Variants in TMEM201 observed in about 807,000 individuals in gnomAD.
The protein encoded by TMEM201 is transmembrane protein 201, also known as RP13-15M17.2.
TMEM201 carries 26 observed loss-of-function variants against 63.4 expected under a neutral mutation model. That is an observed-to-expected ratio of 0.41 (90% CI 0.30 to 0.57). TMEM201 has a LOEUF of 0.57. Among genes scored for constraint, TMEM201 ranks in the 20% least tolerant of loss-of-function variants. The pLI is 0.29. For synonymous variants in TMEM201, 417 were observed against 421.6 expected (o/e 0.99, Z 0.14); for missense variants, 794 against 917.7 (o/e 0.87, Z 1.74).
rs747629806 is a variant in TMEM201 at position 9,596,940 on chromosome 1, G to A, written c.316G>A (p.Asp106Asn). Residue 106 changes from aspartate to asparagine, a missense_variant, in exon 3 of 11, where the codon GAC becomes AAC. Physicochemically the swap from Asp to Asn is conservative, Grantham distance 23. Coordinates refer to ENST00000340381, the MANE Select transcript of TMEM201 (RefSeq NM_001130924.3). The part of the protein sequence containing the change: ...HVVSSAPSLR[D>N]PSQPQQWVSS... Reference sequence around the variant, plus strand: ...GGTGAGCAGCGCGCCCAGCCTGCGCGACCCTTCGCAGCCGCAGCAGTGGGT... The same window carrying A: ...GGTGAGCAGCGCGCCCAGCCTGCGCAACCCTTCGCAGCCGCAGCAGTGGGT... 4.5e-5 allele frequency: 72 copies of A among 1,612,768 alleles called. No individual in the cohort carries two copies. The highest frequency in any genetic ancestry group is 4.0e-4 in the Admixed American group (24 of 59,984).
chr1:9,609,981 T>G (rs1644299494), intron 8 of TMEM201, 70 bp downstream of exon 8: 1 of 1,462,486 alleles, frequency 6.8e-7, no homozygotes, highest in Admixed American at 2.0e-5. Flanking sequence ...GCATGGTGGT[T>G]TGTGTGAGCT....
At chr1:9,594,241 G>A (rs550769275) in intron 1 of TMEM201, among the ~76,000 whole-genome samples, 45 of 152,350 alleles carry the variant, frequency 3.0e-4, no homozygotes, top group Admixed American at 2.5e-3. Context: ...GCTCCGTTTC[G>A]TCGCTGGTCT....
chr1:9,597,112 C>T (rs956592830), intron 3 of TMEM201, 59 bp downstream of exon 3: 31 of 1,539,660 alleles, frequency 2.0e-5, no homozygotes, highest in Middle Eastern at 2.0e-4. Flanking sequence ...TTAGAGCAGC[C>T]GGGGGACAGG....
intron 7 of TMEM201, among the ~76,000 whole-genome samples, chr1:9,609,410 C>T (rs186561841): frequency 2.1e-4 from 32 of 152,256 alleles, no homozygotes; most frequent in Admixed American, 2.0e-3. Context: ...AGAGAACAGG[C>T]AGTTGGGGTC....
rs1569971567 is a variant in TMEM201, at chr1:9,613,914, A to G, written c.*831A>G. On this transcript the variant is annotated 3_prime_UTR_variant, in exon 11 of 11. Transcript: ENST00000340381. ...CAGATGAGACTGCACCCCTTCGACCACCCTACTGGGCACCTGCCTCCAGCC... is the reference window on the plus strand; with the variant it reads ...CAGATGAGACTGCACCCCTTCGACCGCCCTACTGGGCACCTGCCTCCAGCC... 6.6e-6 allele frequency: 1 copy of G among 151,612 alleles called. No homozygotes were observed. Among genetic ancestry groups the G allele is most frequent in the Admixed American group, 6.6e-5 (1 of 15,196 alleles). The allele number at this position is 151,612 out of a possible 1,614,324, so 9.4% of individuals were successfully genotyped here.
In TMEM201 at chr1:9,608,785, T is replaced by A. The variant is rs964316029; in HGVS notation, c.1393+996T>A. Among the ~76,000 whole-genome samples, 1 of 152,046 alleles carries A rather than the reference T, an allele frequency of 6.6e-6. No individual in the cohort carries two copies. On this transcript the variant is annotated intron_variant, in intron 7 of 10. Coordinates refer to ENST00000340381, the MANE Select transcript of TMEM201 (RefSeq NM_001130924.3). The surrounding 1 kb of genome is among the most constrained non-coding windows in gnomAD (Gnocchi z 4.3). ...CAGAGAAGAACAGGCAATCTCCCTG[T>A]TAAGGCTCAAGGCAGGGACACAGTA...
At position 9,610,669 on chromosome 1, in the gene TMEM201, C is replaced by A. The variant is rs1232274632; in HGVS notation, c.1629C>A (p.Phe543Leu). ...LNLKGQKLLL[F>L]PSPPGEAPTT... The stretch of plus-strand genomic sequence containing the variant: ...TGAAGGGACAGAAGCTGCTGCTGTT[C>A]CCGTCACCCCCTGGAGAGGCCCCCA... The change falls in exon 9 of 11, where the codon TTC (phenylalanine) becomes TTA (leucine). Residue 543 changes from phenylalanine (F) to leucine (L), a missense_variant. Coordinates refer to ENST00000340381, the MANE Select transcript of TMEM201 (RefSeq NM_001130924.3). The surrounding 1 kb of genome is among the most constrained non-coding windows in gnomAD (Gnocchi z 4.9). The A allele has an allele frequency of 1.9e-6, 3 of 1,550,632 alleles. No homozygotes were observed. Among genetic ancestry groups the A allele is most frequent in the Non-Finnish European group, 2.6e-6 (3 of 1,146,898 alleles).
At chr1:9,597,194 C>T (rs1216812875) in intron 3 of TMEM201, 141 bp downstream of exon 3, 1 of 1,017,146 alleles carries the variant, frequency 9.8e-7, no homozygotes, top group African/African-American at 1.6e-5. Flanking sequence ...TTCTGAGTGC[C>T]CAAAGGGGCC....
At position 9,598,507 on chromosome 1, in the gene TMEM201, T is replaced by C. The variant is rs200196284; in HGVS notation, c.488T>C (p.Leu163Pro). Residue 163 changes from leucine (L) to proline (P), a missense_variant, in exon 4 of 11, where the codon CTG becomes CCG. By Grantham distance (98) the Leu-to-Pro change is moderately conservative. Coordinates refer to ENST00000340381, the MANE Select transcript of TMEM201 (RefSeq NM_001130924.3). ...YRHHLEQMYK[L>P]CRPCQAAVEY... ...CATCACCTGGAGCAGATGTACAAGCTGTGCCGGCCGTGCCAAGCGGCTGTG... is the reference window on the plus strand; with the variant it reads ...CATCACCTGGAGCAGATGTACAAGCCGTGCCGGCCGTGCCAAGCGGCTGTG... 1 of 1,613,990 alleles carries C rather than the reference T, an allele frequency of 6.2e-7. No homozygotes were observed. Among genetic ancestry groups the C allele is most frequent in the Non-Finnish European group, 8.5e-7 (1 of 1,180,018 alleles).
rs1644270215 is a variant in TMEM201, at chr1:9,607,881, G to A, written c.1393+92G>A. 1 of 1,226,580 alleles carries A rather than the reference G, an allele frequency of 8.2e-7. No individual in the cohort carries two copies. The highest frequency in any genetic ancestry group is 1.1e-6 in the Non-Finnish European group (1 of 887,494). The allele number at this position is 1,226,580 out of a possible 1,614,324, so 76.0% of individuals were successfully genotyped here. A position where few individuals can be genotyped will look rare whatever the true frequency, so the allele number is the denominator to read the frequency against. On this transcript the variant is annotated intron_variant, in intron 7 of 10. Coordinates refer to ENST00000340381, the MANE Select transcript of TMEM201 (RefSeq NM_001130924.3). This position sits in a 1 kb window ranked among gnomAD's most constrained non-coding sequence, Gnocchi z 5.4. The stretch of plus-strand genomic sequence containing the variant: ...GTACATAGTGTAGGGAGGGCCGGGA[G>A]TGGTTAGTGTTCCTGCTGCAGAGAC...
intron 4 of TMEM201, among the ~76,000 whole-genome samples, chr1:9,600,889 T>G (rs1211991948): frequency 6.6e-6 from 1 of 152,116 alleles, no homozygotes; most frequent in African/African-American, 2.4e-5. Context: ...CACTACAATA[T>G]GGAAAGTCTT....
At chr1:9,594,670 G>T (rs1643982699) in intron 1 of TMEM201, among the ~76,000 whole-genome samples, 1 of 152,180 alleles carries the variant, frequency 6.6e-6, no homozygotes, top group South Asian at 2.1e-4. Context: ...CTGCTTCCCA[G>T]GGCCCAGCCT....
At position 9,608,422 on chromosome 1, in the gene TMEM201, A is replaced by G. The variant is rs1644276956; in HGVS notation, c.1393+633A>G. On this transcript the variant is annotated intron_variant, in intron 7 of 10. Coordinates refer to ENST00000340381, the MANE Select transcript of TMEM201 (RefSeq NM_001130924.3). The surrounding 1 kb of genome is among the most constrained non-coding windows in gnomAD (Gnocchi z 4.3). Reference sequence around the variant, plus strand: ...GGGGCCACTCTAGTTATTCTAGGGGAGGAGATGCTGATAACAGCCAAGGCC... The same window carrying G: ...GGGGCCACTCTAGTTATTCTAGGGGGGGAGATGCTGATAACAGCCAAGGCC... Among the ~76,000 whole-genome samples the G allele has an allele frequency of 1.3e-5, 2 of 152,184 alleles. No homozygotes were observed. Among genetic ancestry groups the G allele is most frequent in the Admixed American group, 1.3e-4 (2 of 15,274 alleles).
chr1:9,591,359 G>A, intron 1 of TMEM201, among the ~76,000 whole-genome samples: 1 of 152,360 alleles, frequency 6.6e-6, no homozygotes, highest in Non-Finnish European at 1.5e-5. Flanking sequence ...CAGAACTTCA[G>A]CTTGTCAGCC....
chr1:9,593,041 G>A (rs940054924), intron 1 of TMEM201, among the ~76,000 whole-genome samples: 7 of 152,350 alleles, frequency 4.6e-5, no homozygotes, highest in East Asian at 1.9e-4. Flanking sequence ...AGTTAAGGAC[G>A]GAGGTTGTTG....
intron 9 of TMEM201, chr1:9,611,174 A>T: frequency 1.4e-6 from 1 of 713,888 alleles, no homozygotes; most frequent in Non-Finnish European, 2.0e-6. Flanking sequence ...ACAACTTTCA[A>T]CTTTCACATG....
chr1:9,603,552 C>T lies in TMEM201; in HGVS notation c.1160+1280C>T, dbSNP rs1399874738. 4.1e-6 allele frequency: 4 copies of T among 985,424 alleles called. No homozygotes were observed. The African/African-American group carries it at 7.0e-5, about 17-fold the overall frequency. The allele number at this position is 985,424 out of a possible 1,614,324, so 61.0% of individuals were successfully genotyped here. The stretch of plus-strand genomic sequence containing the variant: ...CACGAGTTCACCTTCCAGATGTGGC[C>T]AGGGTGTGCCAGCTCCTCTCTCCTG... On this transcript the variant is annotated intron_variant, in intron 6 of 10. Coordinates refer to ENST00000340381, the MANE Select transcript of TMEM201 (RefSeq NM_001130924.3). This position sits in a 1 kb window ranked among gnomAD's most constrained non-coding sequence, Gnocchi z 4.5.
intron 6 of TMEM201, chr1:9,606,368 C>T (rs115208818): frequency 6.6e-6 from 1 of 152,238 alleles, no homozygotes; most frequent in Non-Finnish European, 1.5e-5. Flanking sequence ...GTTCTGAAGT[C>T]CAGGTGGTCT....
rs971440142 is a variant in TMEM201, at chr1:9,604,047, C to G, written c.1160+1775C>G. 1.6e-5 allele frequency: 16 copies of G among 985,348 alleles called. No individual in the cohort carries two copies. The African/African-American group carries it at 2.4e-4, about 15-fold the overall frequency. The allele number at this position is 985,348 out of a possible 1,614,324, so 61.0% of individuals were successfully genotyped here. A position where few individuals can be genotyped will look rare whatever the true frequency, so the allele number is the denominator to read the frequency against. On this transcript the variant is annotated intron_variant, in intron 6 of 10. Coordinates refer to ENST00000340381, the MANE Select transcript of TMEM201 (RefSeq NM_001130924.3). The surrounding 1 kb of genome is among the most constrained non-coding windows in gnomAD (Gnocchi z 4.1). ...GCCTGCCTGTGCACTCACGCCACCC[C>G]CCAGCCCACAAAGAGCCCATCTGAG...
Sources: gnomAD v4.1 joint callset for allele counts (sites outside exome capture counted in the v4.1 genomes callset) on GRCh38, gnomAD v4.1.1 for gene constraint, Gnocchi (gnomAD v3.1) non-coding constraint, MANE v1.5 for transcripts, NCBI Gene and HGNC (gene_info 2026-07-23, HGNC 2026-07-21) for gene names.